WDR7: variants seen among roughly 807,000 people sequenced by gnomAD.
WDR7 encodes the protein WD repeat domain 7, also known as WD repeat-containing protein 7.
WDR7 carries 46 observed loss-of-function variants against 169.4 expected under a neutral mutation model. The ratio of observed to expected loss-of-function variants is 0.27; its 90% confidence interval spans 0.21 to 0.35. The LOEUF is 0.35. Among genes scored for constraint, WDR7 ranks in the 10% least tolerant of loss-of-function variants. The pLI, the probability that WDR7 is intolerant of heterozygous loss-of-function variation, is 1.00. For synonymous variants in WDR7, 612 were observed against 666.8 expected (o/e 0.92, Z 1.27); for missense variants, 1,534 against 1,859.3 (o/e 0.83, Z 3.22).
chr18:56,869,425 G>C lies in WDR7; in HGVS notation c.3305-10519G>C, dbSNP rs542673660. ...TTTGTTTACTTCAGTTTTCAAGTGA[G>C]TGGGGAAGTAACACAGCAGCAACAC... On this transcript the variant is annotated intron_variant, in intron 20 of 27. Transcript: ENST00000254442. 2.6e-5 allele frequency among the ~76,000 whole-genome samples: 4 copies of C among 152,288 alleles called. No individual in the cohort carries two copies. The East Asian group carries it at 7.7e-4, about 29-fold the overall frequency.
chr18:56,811,122 A>G (rs918121948), intron 19 of WDR7, among the ~76,000 whole-genome samples: 1 of 152,120 alleles, frequency 6.6e-6, no homozygotes, highest in African/African-American at 2.4e-5. Context: ...TTGGAACTTC[A>G]TTTCTTTGTA....
In WDR7 at chr18:56,802,228, A is replaced by G. The variant is rs1393387460; in HGVS notation, c.3191-13803A>G. 5.3e-5 allele frequency among the ~76,000 whole-genome samples: 8 copies of G among 152,130 alleles called. No individual in the cohort carries two copies. In the East Asian group the frequency reaches 1.3e-3, roughly 26 times the overall value. On this transcript the variant is annotated intron_variant, in intron 19 of 27. Coordinates refer to ENST00000254442, the MANE Select transcript of WDR7 (RefSeq NM_015285.3). ...GACTAATAATGTTGAACATACTTTC[A>G]TATGATTATTTGCCATCCATATGTC...
chr18:56,776,758 ACTT>A (rs751484855), intron 16 of WDR7, 21 bp from the exon 17 acceptor site: 19 of 1,602,730 alleles, frequency 1.2e-5, no homozygotes, highest in South Asian at 7.7e-5. Context: ...TCTCCTCTTT[ACTT>A]CTTCTCTTTT....
At chr18:56,866,493 A>G (rs919099954) in intron 20 of WDR7, among the ~76,000 whole-genome samples, 4 of 152,076 alleles carry the variant, frequency 2.6e-5, no homozygotes, top group African/African-American at 9.7e-5. Flanking sequence ...GGAACTTTTT[A>G]TCTTTAACAT....
intron 19 of WDR7, among the ~76,000 whole-genome samples, chr18:56,808,880 A>G (rs1338531972): frequency 6.6e-6 from 1 of 152,200 alleles, no homozygotes; most frequent in Non-Finnish European, 1.5e-5. Flanking sequence ...AAAATATTGC[A>G]TAAAATTGGG....
At chr18:56,755,707 A>G (rs759613322) in intron 14 of WDR7, among the ~76,000 whole-genome samples, 3 of 152,166 alleles carry the variant, frequency 2.0e-5, no homozygotes, top group Non-Finnish European at 2.9e-5. Context: ...CCATCTACAT[A>G]TAGGTGATAG....
At chr18:56,804,592 A>T (rs2145172492) in intron 19 of WDR7, among the ~76,000 whole-genome samples, 1 of 152,292 alleles carries the variant, frequency 6.6e-6, no homozygotes, top group Middle Eastern at 3.4e-3. Context: ...ACCTATTCAT[A>T]AAGAAGTAAG....
At chr18:56,938,928 TCATTCAC>T (rs2046997474) in intron 24 of WDR7, among the ~76,000 whole-genome samples, 1 of 152,072 alleles carries the variant, frequency 6.6e-6, no homozygotes, top group Non-Finnish European at 1.5e-5. Context: ...ATTTTCAAGT[TCATTCAC>T]CATTCACATG....
chr18:56,811,816 T>C (rs1035661661), intron 19 of WDR7, among the ~76,000 whole-genome samples: 4 of 152,192 alleles, frequency 2.6e-5, no homozygotes, highest in Admixed American at 2.6e-4. Context: ...CTTGGTTCTC[T>C]ATTCTGTTAC....
intron 16 of WDR7, among the ~76,000 whole-genome samples, chr18:56,765,350 AT>A (rs967448902): frequency 1.1e-4 from 17 of 151,734 alleles, no homozygotes; most frequent in East Asian, 5.8e-4. Flanking sequence ...GACTAAAAAG[AT>A]TTTTTTTATG....
At chr18:56,992,798 A>G (rs953500776) in intron 26 of WDR7, among the ~76,000 whole-genome samples, 2 of 152,212 alleles carry the variant, frequency 1.3e-5, no homozygotes, top group Admixed American at 1.3e-4. Flanking sequence ...TCACTGAACT[A>G]GAAGTTCAGG....
chr18:56,855,011 G>A (rs903057088), intron 20 of WDR7, among the ~76,000 whole-genome samples: 1 of 152,132 alleles, frequency 6.6e-6, no homozygotes, highest in African/African-American at 2.4e-5. Context: ...GTGTCTTGGG[G>A]TATGCAAATG....
chr18:56,792,596 A>G (rs1252630221), intron 19 of WDR7, among the ~76,000 whole-genome samples: 1 of 147,156 alleles, frequency 6.8e-6, no homozygotes, highest in Non-Finnish European at 1.5e-5. Context: ...GTATTTCTTT[A>G]GGCTTTTAAA....
chr18:56,866,124 CTGTT>C (rs966250610), intron 20 of WDR7, among the ~76,000 whole-genome samples: 26 of 152,280 alleles, frequency 1.7e-4, no homozygotes, highest in East Asian at 3.9e-4. Flanking sequence ...AATGCCCACT[CTGTT>C]TGTGCCCTTC....
At chr18:56,706,636 T>C (rs2144689473) in intron 12 of WDR7, among the ~76,000 whole-genome samples, 1 of 152,320 alleles carries the variant, frequency 6.6e-6, no homozygotes, top group South Asian at 2.1e-4. Flanking sequence ...ATCTGGGCAG[T>C]TTGTACGTTC....
chr18:57,021,415 GATA>G (rs2048289659), intron 27 of WDR7, among the ~76,000 whole-genome samples: 1 of 152,162 alleles, frequency 6.6e-6, no homozygotes, highest in Non-Finnish European at 1.5e-5. Context: ...TAGGGCATAG[GATA>G]ATAAGGTGTT....
At chr18:57,018,345 C>G (rs2048237169) in intron 26 of WDR7, among the ~76,000 whole-genome samples, 1 of 152,194 alleles carries the variant, frequency 6.6e-6, no homozygotes, top group Non-Finnish European at 1.5e-5. Context: ...ATGGAAGAAA[C>G]TTTGAATTTT....
intron 26 of WDR7, among the ~76,000 whole-genome samples, chr18:56,998,025 G>A (rs2047923047): frequency 6.6e-6 from 1 of 152,140 alleles, no homozygotes; most frequent in African/African-American, 2.4e-5. Context: ...TTCTTATCAT[G>A]TATGGCTTTC....
chr18:56,655,808 G>A (rs1568120189), intron 1 of WDR7, among the ~76,000 whole-genome samples: 1 of 152,066 alleles, frequency 6.6e-6, no homozygotes, highest in African/African-American at 2.4e-5. Flanking sequence ...CCTATAGCAT[G>A]TAATCTTTTG....
Sources: allele counts gnomAD v4.1 joint callset (sites outside exome capture counted in the v4.1 genomes callset), GRCh38; gene constraint gnomAD v4.1.1; transcripts MANE v1.5; gene names NCBI Gene and HGNC (gene_info 2026-07-23, HGNC 2026-07-21).